Variants in SETD2 observed in about 807,000 individuals in gnomAD.
The protein encoded by SETD2 is SET domain containing 2, histone lysine methyltransferase.
A neutral mutation model predicts 242.1 loss-of-function variants in SETD2; 31 were observed. The observed-to-expected ratio is 0.13, with a 90% CI of 0.10 to 0.17. The LOEUF (loss-of-function observed/expected upper bound fraction) is 0.17. SETD2 is among the 10% of genes least tolerant of loss of function. The probability of loss-of-function intolerance (pLI) is 1.00; values close to 1 mark genes in which losing one functional copy is unlikely to be tolerated. For synonymous variants in SETD2, 1,006 were observed against 1,066.5 expected, an observed-to-expected ratio of 0.94 and a Z score of 1.11; for missense variants, 2,481 against 3,046.3, an observed-to-expected ratio of 0.81 and a Z score of 4.37.
chr3:47,080,292 T>C (rs143875847), intron 12 of SETD2, among the ~76,000 whole-genome samples: 215 of 152,330 alleles, frequency 1.4e-3, no homozygotes, highest in African/African-American at 4.6e-3. Flanking sequence ...GTAGGTAATT[T>C]TGTCCCTAAA....
chr3:47,116,520 A>G (rs2107727044), intron 4 of SETD2, 103 bp downstream of exon 4: 1 of 1,195,486 alleles, frequency 8.4e-7, no homozygotes, highest in Non-Finnish European at 1.2e-6. Context: ...GTAGTCATCC[A>G]TAGGTAGGAG....
chr3:47,024,758 C>T (rs1489384172), intron 18 of SETD2, among the ~76,000 whole-genome samples: 2 of 152,132 alleles, frequency 1.3e-5, no homozygotes, highest in Non-Finnish European at 2.9e-5. Context: ...TCTATTATAC[C>T]TTATGACTGT....
At position 47,121,639 on chromosome 3, in the gene SETD2, T is replaced by C. The variant is rs1387514420; in HGVS notation, c.2997A>G (p.Val999=). 1.9e-6 allele frequency: 3 copies of C among 1,613,936 alleles called. No homozygotes were observed. The Admixed American group carries it at 5.0e-5, about 27-fold the overall frequency. The change falls in exon 3 of 21, where the codon GTA becomes GTG. Residue 999 remains valine, a synonymous_variant. Transcript: ENST00000409792. The stretch of plus-strand genomic sequence containing the variant: ...TTAAATTCAAATCACAAGAAGAAAA[T>C]ACAACTTCTGAGTCATCAGAAGTAT... ...HVHTSDDSEV[V]FSSCDLNLTM...
chr3:47,078,161 T>C (rs2107626104), intron 12 of SETD2, among the ~76,000 whole-genome samples: 1 of 152,314 alleles, frequency 6.6e-6, no homozygotes, highest in South Asian at 2.1e-4. Flanking sequence ...ATTTCCAAAG[T>C]TGCTCATATG....
intron 18 of SETD2, among the ~76,000 whole-genome samples, chr3:47,021,875 G>A (rs1044649651): frequency 6.6e-6 from 1 of 152,210 alleles, no homozygotes; most frequent in African/African-American, 2.4e-5. Flanking sequence ...AAGGCTGGGT[G>A]TGGTGGCTCA....
intron 1 of SETD2, among the ~76,000 whole-genome samples, chr3:47,135,621 A>T (rs1450385066): frequency 6.6e-6 from 1 of 152,154 alleles, no homozygotes; most frequent in East Asian, 1.9e-4. Flanking sequence ...ATCAAACTTG[A>T]TACCTAGGTC....
At chr3:47,113,296 T>G (rs1333898665) in intron 5 of SETD2, among the ~76,000 whole-genome samples, 2 of 152,114 alleles carry the variant, frequency 1.3e-5, no homozygotes, top group Non-Finnish European at 2.9e-5. Flanking sequence ...CCAACTCAAT[T>G]TTATGTATAC....
At chr3:47,126,057 T>C (rs2043316038) in intron 2 of SETD2, among the ~76,000 whole-genome samples, 3 of 152,230 alleles carry the variant, frequency 2.0e-5, no homozygotes, top group South Asian at 4.1e-4. Context: ...TGAGACAGAG[T>C]CTTGCTCTGT....
upstream of SETD2, chr3:47,164,355 G>T (rs1043610316): frequency 6.3e-6 from 1 of 158,190 alleles, no homozygotes; most frequent in African/African-American, 2.4e-5. This position sits in a 1 kb window ranked among gnomAD's most constrained non-coding sequence, Gnocchi z 5.4. Flanking sequence ...GGGCCAGACC[G>T]GACCTGGAGA....
chr3:47,146,314 G>T (rs1336472709), intron 1 of SETD2, among the ~76,000 whole-genome samples: 1 of 152,146 alleles, frequency 6.6e-6, no homozygotes, highest in African/African-American at 2.4e-5. Flanking sequence ...ACTTTAAAAA[G>T]AGAACGAGTG....
intron 15 of SETD2, among the ~76,000 whole-genome samples, chr3:47,053,990 T>C (rs2039955603): frequency 6.6e-6 from 1 of 152,214 alleles, no homozygotes. Context: ...TCAAGAATAT[T>C]AATGCCTGTT....
At chr3:47,148,253 C>A (rs2043908018) in intron 1 of SETD2, among the ~76,000 whole-genome samples, 1 of 152,046 alleles carries the variant, frequency 6.6e-6, no homozygotes, top group South Asian at 2.1e-4. Context: ...GCCTCAGCCT[C>A]CCAAGTAGTT....
intron 5 of SETD2, among the ~76,000 whole-genome samples, chr3:47,109,697 T>C (rs1216420825): frequency 2.0e-5 from 3 of 152,020 alleles, no homozygotes; most frequent in African/African-American, 7.2e-5. Context: ...TAAAAAAGCC[T>C]CATTTCGGCC....
intron 12 of SETD2, among the ~76,000 whole-genome samples, chr3:47,079,941 G>A (rs2107630158): frequency 6.6e-6 from 1 of 152,234 alleles, no homozygotes. Context: ...TTCTAATTTT[G>A]TTAAAGGATA....
At chr3:47,026,527 CA>C (rs1475231332) in intron 18 of SETD2, among the ~76,000 whole-genome samples, 1 of 152,092 alleles carries the variant, frequency 6.6e-6, no homozygotes, top group African/African-American at 2.4e-5. Flanking sequence ...CAGCACTCTT[CA>C]AAATAGCAAA....
chr3:47,152,327 C>T (rs1388906188), intron 1 of SETD2, among the ~76,000 whole-genome samples: 3 of 152,140 alleles, frequency 2.0e-5, no homozygotes, highest in Admixed American at 6.5e-5. Flanking sequence ...AGAGTTGATA[C>T]TCCAATCAAG....
chr3:47,072,447 T>A (rs2040864986), intron 12 of SETD2, among the ~76,000 whole-genome samples: 1 of 152,072 alleles, frequency 6.6e-6, no homozygotes, highest in African/African-American at 2.4e-5. Context: ...CAAGTACAGA[T>A]CAAATCTCGT....
At chr3:47,067,666 T>A (rs2040622965) in intron 12 of SETD2, among the ~76,000 whole-genome samples, 2 of 152,022 alleles carry the variant, frequency 1.3e-5, no homozygotes. Flanking sequence ...CTACTCAGCC[T>A]CCCAAAGTGC....
intron 12 of SETD2, chr3:47,080,710 G>T: frequency 1.3e-6 from 1 of 748,844 alleles, no homozygotes; most frequent in Non-Finnish European, 1.6e-6. Flanking sequence ...TGATGTTTCT[G>T]GTTGAGGTCT....
Sources: allele counts gnomAD v4.1 joint callset (sites outside exome capture counted in the v4.1 genomes callset), GRCh38; gene constraint gnomAD v4.1.1; non-coding constraint Gnocchi (gnomAD v3.1); transcripts MANE v1.5; gene names NCBI Gene and HGNC (gene_info 2026-07-23, HGNC 2026-07-21).